Variants in EIF4EBP2 observed in about 807,000 individuals in gnomAD.
EIF4EBP2 encodes the protein eukaryotic translation initiation factor 4E-binding protein 2.
A neutral mutation model predicts 10.3 loss-of-function variants in EIF4EBP2; 5 were observed. The ratio of observed to expected loss-of-function variants is 0.48; its 90% confidence interval spans 0.25 to 1.02. The LOEUF is 1.02. EIF4EBP2 is among the 50% of genes least tolerant of loss of function. The pLI is 0.15. For missense variants in EIF4EBP2, 188 were observed against 162.2 expected (o/e 1.16, Z -0.86); for synonymous variants, 67 against 61.1 (o/e 1.10, Z -0.45).
rs1845205384 is a variant in EIF4EBP2, at chr10:70,426,279, T to A, written c.*4532T>A. On this transcript the variant is annotated 3_prime_UTR_variant, in exon 3 of 3. Coordinates refer to ENST00000373218, the MANE Select transcript of EIF4EBP2 (RefSeq NM_004096.5). Reference sequence around the variant, plus strand: ...CTTTCTTTCTTTCTTTCTTTTTTTCTGAGACAAGAGTTGCGCCCTGTCGCC... The same window carrying A: ...CTTTCTTTCTTTCTTTCTTTTTTTCAGAGACAAGAGTTGCGCCCTGTCGCC... The A allele has an allele frequency of 6.6e-6, 1 of 152,242 alleles. No homozygotes were observed. Among genetic ancestry groups the A allele is most frequent in the Non-Finnish European group, 1.5e-5 (1 of 68,064 alleles). 9.4% of individuals were successfully genotyped at this position (152,242 alleles called of 1,614,324 possible).
chr10:70,413,208 T>C (rs1004767329), intron 1 of EIF4EBP2, among the ~76,000 whole-genome samples: 69 of 152,344 alleles, frequency 4.5e-4, no homozygotes, highest in Non-Finnish European at 2.6e-4. Context: ...AGTAGTTATC[T>C]TTAAAGCTCT....
At position 70,426,770 on chromosome 10, in the gene EIF4EBP2, AT is replaced by A. The variant is rs1845209685; in HGVS notation, c.*5027del. ...TAAATGAATTTTGTTTTTCTTTCTT[AT>A]TTTGAGGTGGATTGGTCTTCTCTTT... is the stretch of plus-strand genomic sequence containing the variant. On this transcript the variant is annotated 3_prime_UTR_variant, in exon 3 of 3. Transcript: ENST00000373218. The A allele has an allele frequency of 6.6e-6, 1 of 152,172 alleles. No individual in the cohort carries two copies. The highest frequency in any genetic ancestry group is 2.4e-5 in the African/African-American group (1 of 41,448). 9.4% of individuals were successfully genotyped at this position (152,172 alleles called of 1,614,324 possible).
At chr10:70,417,342 G>T (rs1845108440) in intron 1 of EIF4EBP2, among the ~76,000 whole-genome samples, 1 of 152,052 alleles carries the variant, frequency 6.6e-6, no homozygotes, top group Non-Finnish European at 1.5e-5. Flanking sequence ...GGGTCAGAGG[G>T]TGTGGGGAGA....
Position 70,428,416 on chromosome 10 carries a change from C to G in EIF4EBP2, c.*6669C>G, listed in dbSNP as rs1845226865. Reference sequence around the variant, plus strand: ...TCCCATGATGTGTTGTTCCCTCATCCCTCCCATCCATTTCACTGTGTGTGG... The same window carrying G: ...TCCCATGATGTGTTGTTCCCTCATCGCTCCCATCCATTTCACTGTGTGTGG... On this transcript the variant is annotated 3_prime_UTR_variant, in exon 3 of 3. Transcript: ENST00000373218. The G allele has an allele frequency of 6.6e-6, 1 of 152,134 alleles. No homozygotes were observed. The highest frequency in any genetic ancestry group is 2.1e-4 in the South Asian group (1 of 4,816). 9.4% of individuals were successfully genotyped at this position (152,134 alleles called of 1,614,324 possible).
chr10:70,413,406 G>C (rs544596657), intron 1 of EIF4EBP2, among the ~76,000 whole-genome samples: 1 of 151,980 alleles, frequency 6.6e-6, no homozygotes, highest in Non-Finnish European at 1.5e-5. Context: ...CAGGAGAATC[G>C]CTTGAGCCCA....
chr10:70,411,241 G>A (rs1845040670), intron 1 of EIF4EBP2, among the ~76,000 whole-genome samples: 1 of 152,032 alleles, frequency 6.6e-6, no homozygotes, highest in Non-Finnish European at 1.5e-5. Context: ...CAGTACCACC[G>A]CAGCCTCCGG....
intron 1 of EIF4EBP2, among the ~76,000 whole-genome samples, chr10:70,409,094 T>C (rs191725829): frequency 6.6e-6 from 1 of 152,302 alleles, no homozygotes; most frequent in Admixed American, 6.5e-5. Context: ...AAGAGTTCTT[T>C]ATTCATTGGG....
At chr10:70,411,655 A>G (rs1845047819) in intron 1 of EIF4EBP2, among the ~76,000 whole-genome samples, 1 of 152,110 alleles carries the variant, frequency 6.6e-6, no homozygotes, top group South Asian at 2.1e-4. Flanking sequence ...ATTTCTCACC[A>G]TGTTTCCCAA....
At chr10:70,419,173 C>T (rs533009585) in intron 1 of EIF4EBP2, among the ~76,000 whole-genome samples, 1 of 152,218 alleles carries the variant, frequency 6.6e-6, no homozygotes, top group African/African-American at 2.4e-5. Context: ...ATCTCATTGT[C>T]GTTTTGATTT....
intron 2 of EIF4EBP2, 82 bp downstream of exon 2, chr10:70,420,181 G>C: frequency 7.2e-7 from 1 of 1,388,734 alleles, no homozygotes; most frequent in Admixed American, 2.5e-5. Flanking sequence ...AGAAGCTATT[G>C]ATTCTTCAGT....
chr10:70,423,810 G>A lies in EIF4EBP2; in HGVS notation c.*2063G>A, dbSNP rs1413160356. 1.3e-5 allele frequency: 2 copies of A among 152,656 alleles called. No individual in the cohort carries two copies. The highest frequency in any genetic ancestry group is 2.9e-5 in the Non-Finnish European group (2 of 68,046). The allele number at this position is 152,656 out of a possible 1,614,324, so 9.5% of individuals were successfully genotyped here. On this transcript the variant is annotated 3_prime_UTR_variant, in exon 3 of 3. Coordinates refer to ENST00000373218, the MANE Select transcript of EIF4EBP2 (RefSeq NM_004096.5). ...TAAGCTGGATCTCCAATGTTTTGGG[G>A]ATGCTTTGAGTCTCAAAAAAAATTG...
At position 70,408,796 on chromosome 10, in the gene EIF4EBP2, G is replaced by A. The variant is rs111237821; in HGVS notation, c.145+4250G>A. Among the ~76,000 whole-genome samples, 507 of 152,332 alleles carry A rather than the reference G, an allele frequency of 3.3e-3. 2 individuals are homozygous for A. Among genetic ancestry groups the A allele is most frequent in the Non-Finnish European group, 5.5e-3 (373 of 68,024 alleles). On this transcript the variant is annotated intron_variant, in intron 1 of 2. Coordinates refer to ENST00000373218, the MANE Select transcript of EIF4EBP2 (RefSeq NM_004096.5). ...TTAAATTCTTGATTTGGGGGTAGGG[G>A]CAGACAGATAAGATTTTTAGTTCTG...
chr10:70,419,963 T>C lies in EIF4EBP2; in HGVS notation c.195T>C (p.Ser65=). The change falls in exon 2 of 3, where the codon TCT becomes TCC. Residue 65 remains serine (S), a synonymous_variant. Coordinates refer to ENST00000373218, the MANE Select transcript of EIF4EBP2 (RefSeq NM_004096.5). ...AGTTTCTGTTGGATCGTCGCAATTCTCCCATGGCTCAGACCCCACCCTGCC... is the reference window on the plus strand; with the variant it reads ...AGTTTCTGTTGGATCGTCGCAATTCCCCCATGGCTCAGACCCCACCCTGCC... ...DRKFLLDRRN[S]PMAQTPPCHL... 6.2e-7 allele frequency: 1 copy of C among 1,601,348 alleles called. No individual in the cohort carries two copies. Among genetic ancestry groups the C allele is most frequent in the Non-Finnish European group, 8.5e-7 (1 of 1,176,348 alleles).
At chr10:70,417,246 A>T (rs73268708) in intron 1 of EIF4EBP2, among the ~76,000 whole-genome samples, 93 of 152,362 alleles carry the variant, frequency 6.1e-4, no homozygotes, top group African/African-American at 2.2e-3. Flanking sequence ...CAGTCACAAA[A>T]GACTGTATTG....
intron 1 of EIF4EBP2, among the ~76,000 whole-genome samples, chr10:70,413,406 G>A (rs544596657): frequency 6.6e-6 from 1 of 152,096 alleles, no homozygotes; most frequent in Admixed American, 6.6e-5. Context: ...CAGGAGAATC[G>A]CTTGAGCCCA....
chr10:70,411,385 C>CTT (rs35659191), intron 1 of EIF4EBP2, among the ~76,000 whole-genome samples: 65 of 145,882 alleles, frequency 4.5e-4, no homozygotes, highest in African/African-American at 1.6e-3. Flanking sequence ...TGCCATTTTG[C>CTT]TTTTTTTTTT....
Position 70,415,136 on chromosome 10 carries a change from C to T in EIF4EBP2, c.146-4778C>T, listed in dbSNP as rs188220195. On this transcript the variant is annotated intron_variant, in intron 1 of 2. Transcript: ENST00000373218. ...TTGCACTTCTGCCCTCTAGCTTGGA[C>T]GACAGAGCAAGACCCTCTCTCGAAA... is the stretch of plus-strand genomic sequence containing the variant. Among the ~76,000 whole-genome samples, 196 of 147,460 alleles carry T rather than the reference C, an allele frequency of 1.3e-3. 2 individuals carry two copies. In the East Asian group the frequency reaches 0.017, roughly 12 times the overall value.
intron 1 of EIF4EBP2, among the ~76,000 whole-genome samples, chr10:70,405,429 C>T (rs1259958698): frequency 2.0e-5 from 3 of 152,160 alleles, no homozygotes; most frequent in African/African-American, 7.2e-5. Context: ...GAAGCTTGGT[C>T]ACGGGAAGAG....
At chr10:70,418,392 G>GA (rs1170906050) in intron 1 of EIF4EBP2, among the ~76,000 whole-genome samples, 1 of 152,126 alleles carries the variant, frequency 6.6e-6, no homozygotes, top group African/African-American at 2.4e-5. Flanking sequence ...TAGTAGCCTG[G>GA]AAAAAAGGTA....
Sources: allele counts gnomAD v4.1 joint callset (sites outside exome capture counted in the v4.1 genomes callset), GRCh38; gene constraint gnomAD v4.1.1; transcripts MANE v1.5; gene names NCBI Gene and HGNC (gene_info 2026-07-23, HGNC 2026-07-21).